C6orf89: variants seen among roughly 807,000 people sequenced by gnomAD.
The protein encoded by C6orf89 is chromosome 6 open reading frame 89.
Under a neutral mutation model 40.7 loss-of-function variants are expected in C6orf89, and 29 were observed. The ratio of observed to expected loss-of-function variants is 0.71; its 90% confidence interval spans 0.53 to 0.97. The LOEUF (loss-of-function observed/expected upper bound fraction) is 0.97. Ranked by LOEUF, C6orf89 falls within the 50% of genes least tolerant of loss-of-function variation. The pLI is 0.00. For synonymous variants in C6orf89, 165 were observed against 152.2 expected, an observed-to-expected ratio of 1.08 and a Z score of -0.62; for missense variants, 392 against 429.1, an observed-to-expected ratio of 0.91 and a Z score of 0.76.
intron 7 of C6orf89, among the ~76,000 whole-genome samples, chr6:36,918,121 G>A (rs2150714126): frequency 6.6e-6 from 1 of 152,298 alleles, no homozygotes; most frequent in South Asian, 2.1e-4. Context: ...CGTGTCTGTG[G>A]GCCCAGTGTC....
chr6:36,886,000 G>C lies in C6orf89; in HGVS notation c.-148G>C, dbSNP rs779751692. Reference sequence around the variant, plus strand: ...CCGGCGGCAGCTGTCCCCGAGGCGGGAGGAGCCCGAGGGGCGCGAGCCCCG... The same window carrying C: ...CCGGCGGCAGCTGTCCCCGAGGCGGCAGGAGCCCGAGGGGCGCGAGCCCCG... On this transcript the variant is annotated 5_prime_UTR_variant, in exon 1 of 9. Transcript: ENST00000480824. The C allele has an allele frequency of 9.0e-7, 1 of 1,111,800 alleles. No homozygotes were observed. Among genetic ancestry groups the C allele is most frequent in the South Asian group, 3.2e-5 (1 of 31,494 alleles). The allele number at this position is 1,111,800 out of a possible 1,614,324, so 68.9% of individuals were successfully genotyped here.
intron 4 of C6orf89, among the ~76,000 whole-genome samples, chr6:36,906,081 T>C (rs894069672): frequency 7.2e-5 from 11 of 152,228 alleles, no homozygotes; most frequent in Admixed American, 7.2e-4. Flanking sequence ...CCTGGGATAG[T>C]TCTCACATAC....
intron 8 of C6orf89, among the ~76,000 whole-genome samples, chr6:36,922,959 G>A (rs921857362): frequency 6.6e-6 from 1 of 152,176 alleles, no homozygotes; most frequent in Admixed American, 6.5e-5. Context: ...TGGGTGAGGG[G>A]TGGTGATAAA....
chr6:36,883,774 A>G (rs1759353150), upstream of C6orf89, among the ~76,000 whole-genome samples: 1 of 152,228 alleles, frequency 6.6e-6, no homozygotes, highest in Admixed American at 6.5e-5. Flanking sequence ...GTTTAGAATA[A>G]AAGAGGCAAT....
chr6:36,896,902 C>T (rs1761449217), intron 2 of C6orf89, among the ~76,000 whole-genome samples: 1 of 151,686 alleles, frequency 6.6e-6, no homozygotes, highest in Admixed American at 6.6e-5. Flanking sequence ...CTGAGGCAGG[C>T]GAATTGCCTG....
chr6:36,907,199 G>C lies in C6orf89; in HGVS notation c.403+4765G>C, dbSNP rs76076723. On this transcript the variant is annotated intron_variant, in intron 4 of 8. Coordinates refer to ENST00000480824, the MANE Select transcript of C6orf89 (RefSeq NM_001286635.2). Reference sequence around the variant, plus strand: ...CAGACAAAACCACTGCTCTTGTAGAGCTAGTATTGGCTTTGTTCTTTTCTT... The same window carrying C: ...CAGACAAAACCACTGCTCTTGTAGACCTAGTATTGGCTTTGTTCTTTTCTT... Among the ~76,000 whole-genome samples, 259 of 152,334 alleles carry C rather than the reference G, an allele frequency of 1.7e-3. 2 individuals carry two copies. Among genetic ancestry groups the C allele is most frequent in the African/African-American group, 6.1e-3 (253 of 41,574 alleles).
intron 1 of C6orf89, among the ~76,000 whole-genome samples, chr6:36,886,528 C>A (rs996904365): frequency 6.6e-6 from 1 of 152,104 alleles, no homozygotes; most frequent in Admixed American, 6.6e-5. Flanking sequence ...TTTCTTGACA[C>A]AAGTAAAATA....
intron 1 of C6orf89, among the ~76,000 whole-genome samples, chr6:36,872,147 C>CATATATATATAT (rs1434796541): frequency 6.6e-6 from 1 of 151,854 alleles, no homozygotes; most frequent in Non-Finnish European, 1.5e-5. Flanking sequence ...TACATATATA[C>CATATATATATAT]ATATGTATAT....
rs773803313 is a variant in C6orf89 at position 36,923,410 on chromosome 6, T to C, written c.1013T>C (p.Ile338Thr). 25 of 1,614,042 alleles carry C rather than the reference T, an allele frequency of 1.5e-5. No individual in the cohort carries two copies. Among genetic ancestry groups the C allele is most frequent in the Non-Finnish European group, 2.1e-5 (25 of 1,179,980 alleles). ...GCCAGAGGGGTCCAGCCTTTGGTCA[T>C]CTGCGATGGAACCGCTTTCTCAGAA... ...VIARGVQPLV[I>T]CDGTAFSEL The change falls in exon 9 of 9, where the codon ATC becomes ACC. Residue 338 changes from isoleucine (I) to threonine (T), a missense_variant. Ile to Thr is a moderately conservative substitution (Grantham distance 89). Coordinates refer to ENST00000480824, the MANE Select transcript of C6orf89 (RefSeq NM_001286635.2).
chr6:36,881,669 C>T (rs1269705574), upstream of C6orf89, among the ~76,000 whole-genome samples: 1 of 151,966 alleles, frequency 6.6e-6, no homozygotes, highest in African/African-American at 2.4e-5. Context: ...AGTGAAACTC[C>T]ATCTCGAAAA....
At chr6:36,891,592 G>A (rs906947509) in intron 1 of C6orf89, among the ~76,000 whole-genome samples, 1 of 152,132 alleles carries the variant, frequency 6.6e-6, no homozygotes, top group African/African-American at 2.4e-5. Context: ...AATGGTTGAA[G>A]GAGCACTTTT....
At chr6:36,879,930 T>C (rs957654305) in intron 2 of C6orf89, among the ~76,000 whole-genome samples, 24 of 152,190 alleles carry the variant, frequency 1.6e-4, no homozygotes, top group African/African-American at 5.8e-4. Flanking sequence ...AATTAACTAC[T>C]CTAGACTCCT....
At position 36,911,247 on chromosome 6, in the gene C6orf89, T is replaced by C. The variant is rs541516449; in HGVS notation, c.404-3037T>C. ...GCTCACGCCTGTAATCCCAGCACTT[T>C]GCAAGGCTGAGGTTGGCGGATCATC... On this transcript the variant is annotated intron_variant, in intron 4 of 8. Coordinates refer to ENST00000480824, the MANE Select transcript of C6orf89 (RefSeq NM_001286635.2). Among the ~76,000 whole-genome samples the C allele has an allele frequency of 3.9e-5, 6 of 152,334 alleles. No individual in the cohort carries two copies. In the East Asian group the frequency reaches 9.6e-4, roughly 24 times the overall value.
At chr6:36,911,055 T>A (rs1358831822) in intron 4 of C6orf89, among the ~76,000 whole-genome samples, 1 of 152,188 alleles carries the variant, frequency 6.6e-6, no homozygotes, top group Non-Finnish European at 1.5e-5. Context: ...CACCTCCAAG[T>A]TTTTCTTTTA....
At chr6:36,907,148 T>C (rs551167612) in intron 4 of C6orf89, among the ~76,000 whole-genome samples, 2 of 152,320 alleles carry the variant, frequency 1.3e-5, no homozygotes, top group Non-Finnish European at 2.9e-5. Flanking sequence ...TGCCAGGCAC[T>C]GTTCTCAACA....
chr6:36,899,567 G>A lies in C6orf89; in HGVS notation c.123G>A (p.Gln41=), dbSNP rs190776591. ...SEKAIEKFIR[Q]LLEKNEPQRP... ...AGGCAATTGAAAAATTTATCAGACA[G>A]CTGCTGGAAAAGAATGAACCTCAGA... The change falls in exon 3 of 9, where the codon CAG becomes CAA. Residue 41 remains glutamine (Q), a synonymous_variant. Coordinates refer to ENST00000480824, the MANE Select transcript of C6orf89 (RefSeq NM_001286635.2). 6.1e-4 allele frequency: 978 copies of A among 1,614,072 alleles called. 7 individuals carry two copies. Among genetic ancestry groups the A allele is most frequent in the Non-Finnish European group, 3.7e-5 (44 of 1,180,014 alleles).
intron 1 of C6orf89, among the ~76,000 whole-genome samples, chr6:36,887,862 C>CA (rs1775054119): frequency 6.6e-6 from 1 of 152,086 alleles, no homozygotes; most frequent in Admixed American, 6.6e-5. Context: ...GGACTACAGG[C>CA]AGGCACCACC....
chr6:36,893,017 C>A (rs1035983125), intron 1 of C6orf89, among the ~76,000 whole-genome samples: 2 of 152,000 alleles, frequency 1.3e-5, no homozygotes, highest in African/African-American at 4.8e-5. Flanking sequence ...TCACTGCAAG[C>A]TCTGTCTCCT....
Position 36,886,008 on chromosome 6 carries a change from C to A in C6orf89, c.-140C>A. The A allele has an allele frequency of 9.1e-7, 1 of 1,102,806 alleles. No homozygotes were observed. The highest frequency in any genetic ancestry group is 1.1e-6 in the Non-Finnish European group (1 of 926,056). 68.3% of individuals were successfully genotyped at this position (1,102,806 alleles called of 1,614,324 possible). A position where few individuals can be genotyped will look rare whatever the true frequency, so the allele number is the denominator to read the frequency against. ...AGCTGTCCCCGAGGCGGGAGGAGCCCGAGGGGCGCGAGCCCCGCATGTGAG... is the reference window on the plus strand; with the variant it reads ...AGCTGTCCCCGAGGCGGGAGGAGCCAGAGGGGCGCGAGCCCCGCATGTGAG... On this transcript the variant is annotated 5_prime_UTR_variant, in exon 1 of 9. Coordinates refer to ENST00000480824, the MANE Select transcript of C6orf89 (RefSeq NM_001286635.2).
Sources: allele counts gnomAD v4.1 joint callset (sites outside exome capture counted in the v4.1 genomes callset), GRCh38; gene constraint gnomAD v4.1.1; transcripts MANE v1.5; gene names NCBI Gene and HGNC (gene_info 2026-07-23, HGNC 2026-07-21).